RAB31: variants seen among roughly 807,000 people sequenced by gnomAD.
RAB31 encodes RAB31, member RAS oncogene family, also known as ras-related protein Rab-31.
A neutral mutation model predicts 25.6 loss-of-function variants in RAB31; 21 were observed. That is an observed-to-expected ratio of 0.82 (90% CI 0.58 to 1.18). The LOEUF is 1.18. RAB31 is among the 50% of genes most tolerant of loss of function. RAB31 has a pLI of 0.00. For synonymous variants in RAB31, 87 were observed against 84.0 expected, an observed-to-expected ratio of 1.04 and a Z score of -0.20; for missense variants, 196 against 250.1, an observed-to-expected ratio of 0.78 and a Z score of 1.46.
intron 1 of RAB31, among the ~76,000 whole-genome samples, chr18:9,742,523 C>A (rs780449400): frequency 2.0e-5 from 3 of 152,176 alleles, no homozygotes; most frequent in Non-Finnish European, 4.4e-5. Flanking sequence ...TACGTGTTTT[C>A]TTCTTCATGG....
intron 2 of RAB31, among the ~76,000 whole-genome samples, 193 bp downstream of exon 2, chr18:9,775,550 A>T (rs1599033596): frequency 6.7e-6 from 1 of 149,972 alleles, no homozygotes; most frequent in Non-Finnish European, 1.5e-5. Context: ...CCTGTCGGTC[A>T]TTTTTTTTTT....
At chr18:9,715,812 G>A (rs189890535) in intron 1 of RAB31, among the ~76,000 whole-genome samples, 64 of 152,262 alleles carry the variant, frequency 4.2e-4, no homozygotes, top group East Asian at 1.7e-3. Flanking sequence ...GATTACAGGC[G>A]TGAGCCACTG....
intron 5 of RAB31, among the ~76,000 whole-genome samples, chr18:9,820,556 G>A (rs1043550843): frequency 1.3e-5 from 2 of 151,984 alleles, no homozygotes; most frequent in South Asian, 2.1e-4. Flanking sequence ...CTGTTTTCTA[G>A]AAGAGTTTGT....
In RAB31 at chr18:9,820,431, A is replaced by G. The variant is rs182837849; in HGVS notation, c.380+5209A>G. ...TGTTTTGTTAAGGATTTTTATGTCT[A>G]TATTCATAAAGGGTTTTAGTCTGTA... On this transcript the variant is annotated intron_variant, in intron 5 of 6. Transcript: ENST00000578921. Among the ~76,000 whole-genome samples the G allele has an allele frequency of 5.9e-3, 893 of 152,142 alleles. 7 individuals carry two copies. Among genetic ancestry groups the G allele is most frequent in the Non-Finnish European group, 8.4e-3 (572 of 67,864 alleles).
At chr18:9,760,939 C>A (rs1259039588) in intron 1 of RAB31, among the ~76,000 whole-genome samples, 1 of 152,046 alleles carries the variant, frequency 6.6e-6, no homozygotes, top group African/African-American at 2.4e-5. Context: ...TTAATGGCTA[C>A]TCAAAGCAAC....
chr18:9,734,874 G>A, intron 1 of RAB31: 1 of 260,832 alleles, frequency 3.8e-6, no homozygotes. Flanking sequence ...AATCTTCTCA[G>A]CTCATCAGAA....
chr18:9,808,680 G>A (rs1156415885), intron 3 of RAB31, among the ~76,000 whole-genome samples: 1 of 152,178 alleles, frequency 6.6e-6, no homozygotes, highest in African/African-American at 2.4e-5. Context: ...TGGTGGCCTT[G>A]CACCTGACCT....
chr18:9,746,432 C>G (rs1030696551), intron 1 of RAB31, among the ~76,000 whole-genome samples: 1 of 152,100 alleles, frequency 6.6e-6, no homozygotes, highest in Non-Finnish European at 1.5e-5. Context: ...CAAATACATA[C>G]AGAATTGCAG....
intron 5 of RAB31, among the ~76,000 whole-genome samples, chr18:9,836,104 T>A (rs1474373367): frequency 6.6e-6 from 1 of 152,024 alleles, no homozygotes; most frequent in East Asian, 1.9e-4. Flanking sequence ...CACCACACAG[T>A]TAACAGCCGT....
intron 4 of RAB31, chr18:9,814,577 C>T (rs77830342): frequency 0.026 from 4,065 of 158,172 alleles, 193 homozygotes; most frequent in African/African-American, 0.093. Flanking sequence ...CCCACTCCTG[C>T]AAACTGAATT....
intron 1 of RAB31, among the ~76,000 whole-genome samples, chr18:9,710,557 G>T (rs1455587): frequency 0.38 from 57,841 of 151,984 alleles, 12,006 homozygotes; most frequent in African/African-American, 0.55. Context: ...CGGAGGCTTT[G>T]AAACATCAAT....
At chr18:9,775,144 C>T in intron 1 of RAB31, 134 bp from the exon 2 acceptor site, 1 of 1,380,350 alleles carries the variant, frequency 7.2e-7, no homozygotes, top group Non-Finnish European at 9.8e-7. Flanking sequence ...GAAAATATCC[C>T]CCCACTCCCT....
At chr18:9,785,231 C>G (rs1335288054) in intron 2 of RAB31, 1 of 155,856 alleles carries the variant, frequency 6.4e-6, no homozygotes, top group African/African-American at 2.4e-5. Flanking sequence ...GCTACAGGAA[C>G]CTGGTCTCCA....
intron 1 of RAB31, among the ~76,000 whole-genome samples, chr18:9,744,523 T>C (rs895007594): frequency 2.0e-5 from 3 of 152,224 alleles, no homozygotes; most frequent in African/African-American, 7.2e-5. Flanking sequence ...GAGTTGATTT[T>C]ACCTTTGATT....
At chr18:9,842,643 C>G (rs951742571) in intron 5 of RAB31, among the ~76,000 whole-genome samples, 38 of 152,186 alleles carry the variant, frequency 2.5e-4, no homozygotes, top group African/African-American at 8.0e-4. Context: ...TAGGCTCCTG[C>G]CCCGCCCCAC....
intron 5 of RAB31, among the ~76,000 whole-genome samples, chr18:9,841,322 G>A (rs914801519): frequency 6.6e-6 from 1 of 151,280 alleles, no homozygotes; most frequent in Non-Finnish European, 1.5e-5. Context: ...GGTGGATCAC[G>A]AGGTCAGGAG....
chr18:9,752,489 T>A (rs767633028), intron 1 of RAB31, among the ~76,000 whole-genome samples: 3 of 152,126 alleles, frequency 2.0e-5, no homozygotes, highest in Non-Finnish European at 4.4e-5. Flanking sequence ...CCTCCCAAAG[T>A]GCTGGGATTA....
Position 9,772,091 on chromosome 18 carries a change from G to A in RAB31, c.40-3187G>A, listed in dbSNP as rs535346303. 3.3e-5 allele frequency among the ~76,000 whole-genome samples: 5 copies of A among 152,310 alleles called. No individual in the cohort carries two copies. In the South Asian group the frequency reaches 1.0e-3, roughly 32 times the overall value. On this transcript the variant is annotated intron_variant, in intron 1 of 6. Transcript: ENST00000578921. ...CTTCTTCCCTTTTCCGCCTTCAAGG[G>A]CGTTTTGGGGCTGGCCTTGCAGGAT...
intron 1 of RAB31, among the ~76,000 whole-genome samples, chr18:9,757,217 T>A (rs1034890697): frequency 6.6e-6 from 1 of 152,026 alleles, no homozygotes; most frequent in Non-Finnish European, 1.5e-5. Flanking sequence ...CAGAGAAACA[T>A]CTCAAAACAG....
Sources: allele counts gnomAD v4.1 joint callset (sites outside exome capture counted in the v4.1 genomes callset), GRCh38; gene constraint gnomAD v4.1.1; transcripts MANE v1.5; gene names NCBI Gene and HGNC (gene_info 2026-07-23, HGNC 2026-07-21).